The following NAAA variants were observed in gnomAD, a reference collection of about 807,000 sequenced individuals.
NAAA encodes the protein N-acylethanolamine acid amidase, also known as N-acylethanolamine-hydrolyzing acid amidase.
NAAA carries 39 observed loss-of-function variants against 44.8 expected under a neutral mutation model. The observed-to-expected ratio is 0.87, with a 90% CI of 0.67 to 1.14. The LOEUF is 1.14. Ranked by LOEUF, NAAA falls within the 50% of genes most tolerant of loss-of-function variation. The pLI, the probability that NAAA is intolerant of heterozygous loss-of-function variation, is 0.00. For synonymous variants in NAAA, 178 were observed against 191.3 expected (o/e 0.93, Z 0.58); for missense variants, 460 against 467.8 (o/e 0.98, Z 0.15).
At chr4:75,918,912 G>A (rs1560500557) in intron 8 of NAAA, 123 bp from the exon 9 acceptor site, 14 of 857,046 alleles carry the variant, frequency 1.6e-5, no homozygotes, top group Admixed American at 1.0e-4. Context: ...GGAAGCCGAC[G>A]TGGGAGGATT....
chr4:75,921,695 A>C (rs557718831), intron 5 of NAAA, among the ~76,000 whole-genome samples: 1 of 152,336 alleles, frequency 6.6e-6, no homozygotes, highest in East Asian at 1.9e-4. Flanking sequence ...GCATCGCATG[A>C]ATTGAAGCTA....
At chr4:75,920,125 G>C (rs1726012913) in intron 7 of NAAA, 150 bp from the exon 8 acceptor site, 1 of 754,496 alleles carries the variant, frequency 1.3e-6, no homozygotes, top group African/African-American at 1.8e-5. Context: ...TTCCTGCTGA[G>C]GCCCAGCCCA....
chr4:75,930,594 T>C (rs1727142416), intron 4 of NAAA: 1 of 437,360 alleles, frequency 2.3e-6, no homozygotes, highest in Admixed American at 2.8e-5. Context: ...TTCCAAATGG[T>C]CTTCTGCTTC....
rs746595771 is a variant in NAAA, at chr4:75,918,861, G to A, written c.970-72C>T. On this transcript the variant is annotated intron_variant, in intron 8 of 10. Coordinates refer to ENST00000286733, the MANE Select transcript of NAAA (RefSeq NM_014435.4). ...AAATACACATAGAATATCTATGGAGGGCCGGGTGCAGTGGCTCAGGCCTGT... is the reference window on the plus strand; with the variant it reads ...AAATACACATAGAATATCTATGGAGAGCCGGGTGCAGTGGCTCAGGCCTGT... 1.8e-5 allele frequency: 26 copies of A among 1,440,564 alleles called. No homozygotes were observed. In the Admixed American group the frequency reaches 3.5e-4, roughly 20 times the overall value. The allele number at this position is 1,440,564 out of a possible 1,614,324, so 89.2% of individuals were successfully genotyped here.
intron 5 of NAAA, among the ~76,000 whole-genome samples, 185 bp from the exon 6 acceptor site, chr4:75,921,308 G>T (rs543250791): frequency 2.0e-5 from 3 of 152,204 alleles, no homozygotes; most frequent in African/African-American, 7.2e-5. Context: ...GCTTCAAAGC[G>T]GAGCCAGGAG....
chr4:75,915,625 G>T (rs2149241108), intron 9 of NAAA, among the ~76,000 whole-genome samples: 1 of 152,252 alleles, frequency 6.6e-6, no homozygotes, highest in African/African-American at 2.4e-5. Flanking sequence ...GAATTACAGG[G>T]TCCTGGGTAC....
chr4:75,939,969 C>T (rs1480680806), intron 2 of NAAA, 32 bp downstream of exon 2: 6 of 1,609,148 alleles, frequency 3.7e-6, no homozygotes, highest in Non-Finnish European at 5.1e-6. Context: ...CCGCAAGCCC[C>T]GCGTTACTCC....
At chr4:75,923,262 C>T (rs566075794) in intron 5 of NAAA, among the ~76,000 whole-genome samples, 7 of 151,856 alleles carry the variant, frequency 4.6e-5, no homozygotes, top group Non-Finnish European at 1.0e-4. Flanking sequence ...TTTTTTCTTT[C>T]CTTATCAAAT....
At position 75,940,049 on chromosome 4, in the gene NAAA, A is replaced by C. The variant is rs920609829; in HGVS notation, c.323T>G (p.Leu108Arg). 4 of 1,613,952 alleles carry C rather than the reference A, an allele frequency of 2.5e-6. No homozygotes were observed. Among genetic ancestry groups the C allele is most frequent in the Non-Finnish European group, 8.5e-7 (1 of 1,180,044 alleles). The part of the protein sequence containing the change: ...EIRGMCDFMN[L>R]SLADCLLVNL... ...GACCAGAAGGCAGTCCGCCAGGCTG[A>C]GGTTCATGAAGTCACACATGCCGCG... is the stretch of plus-strand genomic sequence containing the variant. The change falls in exon 2 of 11, where the codon CTC becomes CGC. Residue 108 changes from leucine (L) to arginine (R), a missense_variant. Coordinates refer to ENST00000286733, the MANE Select transcript of NAAA (RefSeq NM_014435.4).
At chr4:75,911,306 G>T (rs1303499286), downstream of NAAA, 1 of 517,950 alleles carries the variant, frequency 1.9e-6, no homozygotes, top group African/African-American at 1.9e-5. Context: ...TGATGGCTTA[G>T]CTTGGGCTCA....
At chr4:75,931,370 T>G in intron 3 of NAAA, 66 bp from the exon 4 acceptor site, 1 of 1,212,668 alleles carries the variant, frequency 8.2e-7, no homozygotes, top group Non-Finnish European at 1.2e-6. Context: ...TCACCTGTTC[T>G]GCCCCACAAT....
At chr4:75,934,452 A>G (rs1043372562) in intron 3 of NAAA, among the ~76,000 whole-genome samples, 2 of 148,694 alleles carry the variant, frequency 1.3e-5, no homozygotes, top group Non-Finnish European at 3.0e-5. Flanking sequence ...AGTAGCTGGG[A>G]TTACAGACAC....
intron 7 of NAAA, among the ~76,000 whole-genome samples, chr4:75,920,385 C>T (rs776442063): frequency 6.6e-6 from 1 of 152,178 alleles, no homozygotes; most frequent in Non-Finnish European, 1.5e-5. Context: ...AAATAATTTC[C>T]TTCTAAAAAT....
At chr4:75,910,992 A>G (rs1316239711), downstream of NAAA, among the ~76,000 whole-genome samples, 1 of 152,166 alleles carries the variant, frequency 6.6e-6, no homozygotes, top group East Asian at 1.9e-4. Flanking sequence ...GCAGGCAGGA[A>G]GTGGATCTTA....
chr4:75,920,446 T>C (rs998385321), intron 7 of NAAA, among the ~76,000 whole-genome samples: 1 of 152,166 alleles, frequency 6.6e-6, no homozygotes, highest in Admixed American at 6.5e-5. Flanking sequence ...TTTTACAGAC[T>C]GGTAAACAGA....
downstream of NAAA, among the ~76,000 whole-genome samples, chr4:75,912,657 T>G (rs1263509405): frequency 1.3e-5 from 2 of 150,494 alleles, no homozygotes; most frequent in Non-Finnish European, 3.0e-5. Context: ...GCCGGTAATC[T>G]CAGCTACTCA....
chr4:75,925,023 C>T (rs576388955), intron 5 of NAAA, among the ~76,000 whole-genome samples: 67 of 150,762 alleles, frequency 4.4e-4, no homozygotes, highest in Non-Finnish European at 8.7e-4. Context: ...CGGAGTTTTG[C>T]TCTTATTGAC....
intron 3 of NAAA, among the ~76,000 whole-genome samples, chr4:75,932,017 G>A (rs951893903): frequency 1.3e-5 from 2 of 152,188 alleles, no homozygotes; most frequent in East Asian, 1.9e-4. Context: ...AACACCTGAG[G>A]TCGGGAGTTC....
intron 4 of NAAA, among the ~76,000 whole-genome samples, chr4:75,930,726 C>T (rs1204474451): frequency 6.6e-6 from 1 of 152,150 alleles, no homozygotes; most frequent in African/African-American, 2.4e-5. Context: ...GCTTAAAAAC[C>T]AAACTCTTCA....
Sources: gnomAD v4.1 joint callset for allele counts (sites outside exome capture counted in the v4.1 genomes callset) on GRCh38, gnomAD v4.1.1 for gene constraint, MANE v1.5 for transcripts, NCBI Gene and HGNC (gene_info 2026-07-23, HGNC 2026-07-21) for gene names.